The following RTKN variants were observed in gnomAD, a reference collection of about 807,000 sequenced individuals.
RTKN encodes rhotekin.
A neutral mutation model predicts 63.5 loss-of-function variants in RTKN; 49 were observed. The observed-to-expected ratio is 0.77, with a 90% CI of 0.61 to 0.98. The LOEUF is 0.98. RTKN is among the 50% of genes least tolerant of loss of function. The probability of loss-of-function intolerance (pLI) is 0.00; values close to 1 mark genes in which losing one functional copy is unlikely to be tolerated. For synonymous variants in RTKN, 295 were observed against 290.4 expected (o/e 1.02, Z -0.16); for missense variants, 685 against 740.8 (o/e 0.92, Z 0.87).
rs910162183 is a variant in RTKN, at chr2:74,429,764, T to C, written c.755+64A>G. On this transcript the variant is annotated intron_variant, in intron 6 of 11. Transcript: ENST00000272430. The stretch of plus-strand genomic sequence containing the variant: ...AATGGGTTCTGCACACTCAACACAG[T>C]TCAAAGGTCACCTGTGGGCAGAATA... 4 of 1,490,154 alleles carry C rather than the reference T, an allele frequency of 2.7e-6. No homozygotes were observed. The African/African-American group carries it at 5.5e-5, about 21-fold the overall frequency. The allele number at this position is 1,490,154 out of a possible 1,614,324, so 92.3% of individuals were successfully genotyped here. A position where few individuals can be genotyped will look rare whatever the true frequency, so the allele number is the denominator to read the frequency against.
At chr2:74,431,059 G>T in intron 2 of RTKN, 3 of 199,630 alleles carry the variant, frequency 1.5e-5, no homozygotes, top group South Asian at 1.6e-4. Context: ...GGGGTCTCCA[G>T]TCTTTATTTT....
chr2:74,440,483 G>C, intron 1 of RTKN: 1 of 986,756 alleles, frequency 1.0e-6, no homozygotes, highest in Non-Finnish European at 1.2e-6. Context: ...CGAGCCAGCT[G>C]CAGCCTAGCG....
chr2:74,427,557 A>T lies in RTKN; in HGVS notation c.1122T>A (p.Ala374=), dbSNP rs778549952. The T allele has an allele frequency of 5.0e-6, 8 of 1,613,428 alleles. No individual in the cohort carries two copies. The highest frequency in any genetic ancestry group is 5.9e-6 in the Non-Finnish European group (7 of 1,180,012). The change falls in exon 10 of 12, where the codon GCT becomes GCA. Residue 374 remains alanine, a synonymous_variant. Transcript: ENST00000272430. ...TRVRAGELDQ[A]LGRPFTLSIS... is the part of the protein sequence containing the mutation. ...TGCTTAGGGTGAAGGGCCGTCCTAG[A>T]GCCTGGTCCAGCTCCCCTGCCCGGA...
In RTKN at chr2:74,429,922, G is replaced by A; in HGVS notation, c.661C>T (p.Leu221=). ...ACACGCCTCCCTGAGGAGCGGCCCAGGGAGCTGCTGAGTTTGGTGGCAAGC... is the reference window on the plus strand; with the variant it reads ...ACACGCCTCCCTGAGGAGCGGCCCAAGGAGCTGCTGAGTTTGGTGGCAAGC... The part of the protein sequence containing the change: ...KRLATKLSSS[L]GRSSGRRVRA... Residue 221 remains leucine, a synonymous_variant, in exon 6 of 12, where the codon CTG becomes TTG. Coordinates refer to ENST00000272430, the MANE Select transcript of RTKN (RefSeq NM_001015055.2). 2.5e-6 allele frequency: 4 copies of A among 1,614,212 alleles called. No homozygotes were observed. Among genetic ancestry groups the A allele is most frequent in the South Asian group, 1.1e-5 (1 of 91,080 alleles).
In RTKN at chr2:74,429,035, C is replaced by A. The variant is rs1383733251; in HGVS notation, c.756-93G>T. 5.9e-6 allele frequency: 6 copies of A among 1,019,832 alleles called. No individual in the cohort carries two copies. In the Admixed American group the frequency reaches 9.6e-5, roughly 16 times the overall value. The allele number at this position is 1,019,832 out of a possible 1,614,324, so 63.2% of individuals were successfully genotyped here. A position where few individuals can be genotyped will look rare whatever the true frequency, so the allele number is the denominator to read the frequency against. ...GAGCAGATCTGCCCCATTGTTCAGA[C>A]TGCCCCACAGAAAACTCGCTTGCCT... On this transcript the variant is annotated intron_variant, in intron 6 of 11. Coordinates refer to ENST00000272430, the MANE Select transcript of RTKN (RefSeq NM_001015055.2).
intron 9 of RTKN, 110 bp from the exon 10 acceptor site, chr2:74,427,702 C>T: frequency 1.6e-6 from 2 of 1,236,734 alleles, no homozygotes; most frequent in South Asian, 1.4e-5. Flanking sequence ...TTTTGCTGAG[C>T]CCTCTCATTT....
intron 5 of RTKN, 88 bp downstream of exon 5, chr2:74,430,164 C>T (rs1670665622): frequency 2.0e-6 from 3 of 1,516,648 alleles, no homozygotes; most frequent in Non-Finnish European, 2.7e-6. Flanking sequence ...TCCACCCTGC[C>T]CCCATCCCAG....
intron 1 of RTKN, among the ~76,000 whole-genome samples, chr2:74,439,077 C>T (rs557636722): frequency 2.6e-5 from 4 of 152,224 alleles, no homozygotes; most frequent in Admixed American, 2.0e-4. Flanking sequence ...TGAGCCAGGA[C>T]CAGCCTGGGC....
intron 1 of RTKN, among the ~76,000 whole-genome samples, chr2:74,433,256 AC>A (rs1345230515): frequency 1.6e-4 from 24 of 150,180 alleles, no homozygotes; most frequent in Admixed American, 4.6e-4. Context: ...AAAAAAAAAA[AC>A]ATATATATAT....
At chr2:74,429,711 C>A in intron 6 of RTKN, 117 bp downstream of exon 6, 1 of 983,516 alleles carries the variant, frequency 1.0e-6, no homozygotes, top group Non-Finnish European at 1.5e-6. Flanking sequence ...TCATTCATAT[C>A]TGTCTGCACA....
At chr2:74,438,554 C>G (rs759568666) in intron 1 of RTKN, among the ~76,000 whole-genome samples, 7 of 152,244 alleles carry the variant, frequency 4.6e-5, no homozygotes, top group Non-Finnish European at 8.8e-5. Context: ...GGCCCAACAT[C>G]ACACTTAAGG....
At chr2:74,428,993 C>T (rs1461868617) in intron 6 of RTKN, 51 bp from the exon 7 acceptor site, 4 of 1,461,954 alleles carry the variant, frequency 2.7e-6, no homozygotes, top group Non-Finnish European at 3.8e-6. Flanking sequence ...TGTTGGCCAG[C>T]AGGAACTCTA....
chr2:74,426,552 G>C lies in RTKN; in HGVS notation c.1383C>G (p.Ile461Met), dbSNP rs775842468. The C allele has an allele frequency of 2.0e-6, 3 of 1,535,900 alleles. No homozygotes were observed. Residue 461 changes from isoleucine to methionine, a missense_variant, in exon 12 of 12, where the codon ATC (isoleucine) becomes ATG (methionine). Ile to Met is a conservative substitution (Grantham distance 10). Transcript: ENST00000272430. Reference sequence around the variant, plus strand: ...GGGTCAGGATGTCTGTCACCGCTGCGATGTCATCCAGCGGCTCAATAGCTG... The same window carrying C: ...GGGTCAGGATGTCTGTCACCGCTGCCATGTCATCCAGCGGCTCAATAGCTG... Reference protein sequence around the residue: ...HEMAIEPLDDIAAVTDILTQR... With the variant: ...HEMAIEPLDDMAAVTDILTQR...
chr2:74,430,882 A>C (rs1670712666), intron 2 of RTKN: 2 of 587,824 alleles, frequency 3.4e-6, no homozygotes, highest in Non-Finnish European at 3.0e-6. Context: ...AGGGACACTC[A>C]AGCCACATTA....
chr2:74,428,249 C>G lies in RTKN; in HGVS notation c.1086+19G>C. On this transcript the variant is annotated intron_variant, in intron 9 of 11. Coordinates refer to ENST00000272430, the MANE Select transcript of RTKN (RefSeq NM_001015055.2). ...TGGGCCTGTGCCCTTGGTGGCCTTACTACCAAGGGACCCATCACCTTGTTG... is the reference window on the plus strand; with the variant it reads ...TGGGCCTGTGCCCTTGGTGGCCTTAGTACCAAGGGACCCATCACCTTGTTG... 6.2e-7 allele frequency: 1 copy of G among 1,614,114 alleles called. No homozygotes were observed. Among genetic ancestry groups the G allele is most frequent in the Non-Finnish European group, 8.5e-7 (1 of 1,179,984 alleles).
chr2:74,432,312 G>T, intron 2 of RTKN, 155 bp downstream of exon 2: 1 of 791,648 alleles, frequency 1.3e-6, no homozygotes, highest in Non-Finnish European at 2.2e-6. Flanking sequence ...AACACACAGT[G>T]GTGGTAAAAC....
intron 9 of RTKN, chr2:74,428,021 G>T: frequency 1.8e-6 from 1 of 562,666 alleles, no homozygotes; most frequent in Non-Finnish European, 3.2e-6. Flanking sequence ...GAAAAGCCCT[G>T]AACCTGCAGG....
chr2:74,426,177 C>A lies in RTKN; in HGVS notation c.*66G>T. 7.0e-7 allele frequency: 1 copy of A among 1,437,446 alleles called. No homozygotes were observed. The allele number at this position is 1,437,446 out of a possible 1,614,324, so 89.0% of individuals were successfully genotyped here. On this transcript the variant is annotated 3_prime_UTR_variant, in exon 12 of 12. Coordinates refer to ENST00000272430, the MANE Select transcript of RTKN (RefSeq NM_001015055.2). ...CAACTTGCTATAGACAGCGCCGTAT[C>A]CAGAGCCCAACTGCGCATGGGTCAT...
At chr2:74,437,455 C>T (rs1006781130) in intron 1 of RTKN, among the ~76,000 whole-genome samples, 1 of 152,028 alleles carries the variant, frequency 6.6e-6, no homozygotes. Context: ...GGAGAGTGAC[C>T]AAAGTGAAAC....
Sources: allele counts gnomAD v4.1 joint callset (sites outside exome capture counted in the v4.1 genomes callset), GRCh38; gene constraint gnomAD v4.1.1; transcripts MANE v1.5; gene names NCBI Gene and HGNC (gene_info 2026-07-23, HGNC 2026-07-21).